Variants in MGAT3 observed in about 807,000 individuals in gnomAD.
MGAT3 encodes the protein GlcNAc-T III.
In MGAT3, 9 loss-of-function variants were observed where a neutral mutation model predicts 29.8. The ratio of observed to expected loss-of-function variants is 0.30; its 90% CI spans 0.18 to 0.53. MGAT3 has a LOEUF of 0.53. MGAT3 is among the 20% of genes least tolerant of loss of function. MGAT3 has a pLI of 0.96. For synonymous variants in MGAT3, 397 were observed against 348.9 expected, an observed-to-expected ratio of 1.14 and a Z score of -1.54; for missense variants, 557 against 769.5, an observed-to-expected ratio of 0.72 and a Z score of 3.27.
intron 1 of MGAT3, chr22:39,477,564 A>C (rs1331432217): frequency 2.6e-5 from 4 of 152,122 alleles, no homozygotes; most frequent in Non-Finnish European, 5.9e-5. Flanking sequence ...AAAAAAAAAA[A>C]AACCATGCAT....
intron 1 of MGAT3, among the ~76,000 whole-genome samples, chr22:39,482,006 C>T (rs987446975): frequency 3.9e-5 from 6 of 152,176 alleles, no homozygotes; most frequent in Admixed American, 3.3e-4. Context: ...GGCTGGAGTG[C>T]AGAATTGCGA....
At chr22:39,478,538 A>G (rs1179665089) in intron 1 of MGAT3, among the ~76,000 whole-genome samples, 1 of 152,226 alleles carries the variant, frequency 6.6e-6, no homozygotes, top group Admixed American at 6.5e-5. Context: ...GGCAGGGGCC[A>G]GGGTGAGGCC....
Position 39,490,319 on chromosome 22 carries a change from G to C in MGAT3, c.*1370G>C, listed in dbSNP as rs1309282872. On this transcript the variant is annotated 3_prime_UTR_variant, in exon 2 of 2. Coordinates refer to ENST00000341184, the MANE Select transcript of MGAT3 (RefSeq NM_002409.5). Reference sequence around the variant, plus strand: ...AGAATTGGCAGGCTCACCTCTGCTGGCCTCTCATTGGCTGGGACTCAGTCA... The same window carrying C: ...AGAATTGGCAGGCTCACCTCTGCTGCCCTCTCATTGGCTGGGACTCAGTCA... 6.0e-6 allele frequency: 1 copy of C among 167,136 alleles called. No homozygotes were observed. The highest frequency in any genetic ancestry group is 2.4e-5 in the African/African-American group (1 of 41,470). 10.4% of individuals were successfully genotyped at this position (167,136 alleles called of 1,614,324 possible).
chr22:39,476,096 C>T (rs986001902), intron 1 of MGAT3, among the ~76,000 whole-genome samples: 11 of 150,368 alleles, frequency 7.3e-5, no homozygotes, highest in South Asian at 2.1e-4. Context: ...CCGGCCACTC[C>T]GTGGGAAAGT....
At position 39,490,236 on chromosome 22, in the gene MGAT3, C is replaced by G. The variant is rs1394387562; in HGVS notation, c.*1287C>G. 1 of 166,986 alleles carries G rather than the reference C, an allele frequency of 6.0e-6. No individual in the cohort carries two copies. Among genetic ancestry groups the G allele is most frequent in the Non-Finnish European group, 1.5e-5 (1 of 68,142 alleles). 10.3% of individuals were successfully genotyped at this position (166,986 alleles called of 1,614,324 possible). A position where few individuals can be genotyped will look rare whatever the true frequency, so the allele number is the denominator to read the frequency against. ...CCCACCCTCCTGTGTGCATCCAAGC[C>G]TGGGGGAAGCAGAAATAGACAAGAG... is the stretch of plus-strand genomic sequence containing the variant. On this transcript the variant is annotated 3_prime_UTR_variant, in exon 2 of 2. Coordinates refer to ENST00000341184, the MANE Select transcript of MGAT3 (RefSeq NM_002409.5).
At chr22:39,483,804 C>T (rs1403602274) in intron 1 of MGAT3, among the ~76,000 whole-genome samples, 1 of 152,258 alleles carries the variant, frequency 6.6e-6, no homozygotes, top group African/African-American at 2.4e-5. Flanking sequence ...CAGTGGCGAA[C>T]AGCCCCAGCT....
chr22:39,477,326 G>T (rs1281664665), intron 1 of MGAT3, among the ~76,000 whole-genome samples: 2 of 152,220 alleles, frequency 1.3e-5, no homozygotes, highest in African/African-American at 4.8e-5. Context: ...CGCAGATTCT[G>T]GCCTAGGTCC....
Position 39,488,996 on chromosome 22 carries a change from G to A in MGAT3, c.*47G>A. 7.0e-7 allele frequency: 1 copy of A among 1,426,900 alleles called. No individual in the cohort carries two copies. Among genetic ancestry groups the A allele is most frequent in the African/African-American group, 1.5e-5 (1 of 68,694 alleles). The allele number at this position is 1,426,900 out of a possible 1,614,324, so 88.4% of individuals were successfully genotyped here. On this transcript the variant is annotated 3_prime_UTR_variant, in exon 2 of 2. Transcript: ENST00000341184. ...TTGTGACAGGGCGGGGGTGGCGGCG[G>A]CCCCTAGCGCTATCTCCCTGCCTCC...
chr22:39,460,713 G>A (rs979366321), intron 1 of MGAT3, among the ~76,000 whole-genome samples: 8 of 152,248 alleles, frequency 5.3e-5, no homozygotes, highest in Middle Eastern at 3.4e-3. Flanking sequence ...CGAGAGAATC[G>A]CTTGAACCTG....
intron 1 of MGAT3, among the ~76,000 whole-genome samples, chr22:39,471,085 C>G (rs1373893787): frequency 6.6e-6 from 1 of 152,090 alleles, no homozygotes; most frequent in Non-Finnish European, 1.5e-5. Flanking sequence ...ATGGCCACCC[C>G]CACTCAGACC....
chr22:39,464,991 G>A (rs967249376), intron 1 of MGAT3, among the ~76,000 whole-genome samples: 2 of 151,714 alleles, frequency 1.3e-5, no homozygotes, highest in Non-Finnish European at 2.9e-5. Flanking sequence ...TCCTGACCTC[G>A]TGATCTGCCT....
At chr22:39,464,055 C>T (rs943992886) in intron 1 of MGAT3, among the ~76,000 whole-genome samples, 3 of 152,034 alleles carry the variant, frequency 2.0e-5, no homozygotes, top group Admixed American at 1.3e-4. Context: ...ATCCTGTGAC[C>T]GAGCCCCCGC....
At chr22:39,477,438 AG>A (rs1449239544) in intron 1 of MGAT3, 2 of 152,176 alleles carry the variant, frequency 1.3e-5, no homozygotes, top group African/African-American at 4.8e-5. Flanking sequence ...ACCTTAACAA[AG>A]GTGTCTTTGT....
chr22:39,491,911 T>A lies in MGAT3; in HGVS notation c.*2962T>A, dbSNP rs1016101880. 6 of 166,860 alleles carry A rather than the reference T, an allele frequency of 3.6e-5. No homozygotes were observed. Among genetic ancestry groups the A allele is most frequent in the Non-Finnish European group, 5.9e-5 (4 of 68,098 alleles). 10.3% of individuals were successfully genotyped at this position (166,860 alleles called of 1,614,324 possible). A position where few individuals can be genotyped will look rare whatever the true frequency, so the allele number is the denominator to read the frequency against. ...CATCCGGGAAGCATGGCTGGCCTTA[T>A]CCACCCATGGGTCACGTCGGTTCCC... On this transcript the variant is annotated 3_prime_UTR_variant, in exon 2 of 2. Transcript: ENST00000341184. The surrounding 1 kb of genome is among the most constrained non-coding windows in gnomAD (Gnocchi z 5.5).
intron 1 of MGAT3, among the ~76,000 whole-genome samples, chr22:39,481,156 C>T (rs1929116172): frequency 6.6e-6 from 1 of 152,214 alleles, no homozygotes; most frequent in Non-Finnish European, 1.5e-5. Flanking sequence ...CCGTCCCACC[C>T]GCCTTGCTGT....
chr22:39,463,490 G>C (rs1928553066), intron 1 of MGAT3, among the ~76,000 whole-genome samples: 1 of 152,190 alleles, frequency 6.6e-6, no homozygotes, highest in Non-Finnish European at 1.5e-5. Context: ...CCCTCCTTCT[G>C]CCACTGTCCT....
At chr22:39,480,048 G>A (rs1203157704) in intron 1 of MGAT3, among the ~76,000 whole-genome samples, 1 of 152,214 alleles carries the variant, frequency 6.6e-6, no homozygotes, top group Admixed American at 6.5e-5. Context: ...GAGAGGTCAG[G>A]TGACCTGCTC....
chr22:39,479,257 T>G (rs1268452060), intron 1 of MGAT3, among the ~76,000 whole-genome samples: 1 of 152,236 alleles, frequency 6.6e-6, no homozygotes, highest in Non-Finnish European at 1.5e-5. Context: ...GAGGATCACT[T>G]GAACCCAGGA....
rs1038580001 is a variant in MGAT3, at chr22:39,457,929, C to T, written c.-2+372C>T. Among the ~76,000 whole-genome samples the T allele has an allele frequency of 1.3e-5, 2 of 151,584 alleles. No homozygotes were observed. Among genetic ancestry groups the T allele is most frequent in the African/African-American group, 2.4e-5 (1 of 41,308 alleles). The stretch of plus-strand genomic sequence containing the variant: ...AGCCTCCGGCGCGGCTCCCCCACAA[C>T]CTCCGGCGCGGCGCGGGGCTGGGGT... On this transcript the variant is annotated intron_variant, in intron 1 of 1. Coordinates refer to ENST00000341184, the MANE Select transcript of MGAT3 (RefSeq NM_002409.5). This position sits in a 1 kb window ranked among gnomAD's most constrained non-coding sequence, Gnocchi z 6.8.
Sources: allele counts gnomAD v4.1 joint callset (sites outside exome capture counted in the v4.1 genomes callset), GRCh38; gene constraint gnomAD v4.1.1; non-coding constraint Gnocchi (gnomAD v3.1); transcripts MANE v1.5; gene names NCBI Gene and HGNC (gene_info 2026-07-23, HGNC 2026-07-21).